Variants in CSGALNACT1 observed in about 807,000 individuals in gnomAD.
CSGALNACT1 encodes chondroitin sulfate N-acetylgalactosaminyltransferase 1.
A neutral mutation model predicts 51.0 loss-of-function variants in CSGALNACT1; 52 were observed. The ratio of observed to expected loss-of-function variants is 1.02; its 90% CI spans 0.82 to 1.29. The LOEUF is 1.29. Among genes scored for constraint, CSGALNACT1 ranks in the 50% most tolerant of loss-of-function variants. CSGALNACT1 has a pLI of 0.00. For missense variants in CSGALNACT1, 935 were observed against 679.2 expected (o/e 1.38, Z -4.19); for synonymous variants, 341 against 254.4 (o/e 1.34, Z -3.24).
At chr8:19,487,035 T>C (rs947441427) in intron 4 of CSGALNACT1, among the ~76,000 whole-genome samples, 4 of 152,236 alleles carry the variant, frequency 2.6e-5, no homozygotes, top group African/African-American at 2.4e-5. Context: ...GCTGTTATTT[T>C]TGGGGAAGAA....
intron 8 of CSGALNACT1, among the ~76,000 whole-genome samples, chr8:19,410,773 G>A (rs2055508505): frequency 6.6e-6 from 1 of 152,200 alleles, no homozygotes; most frequent in Non-Finnish European, 1.5e-5. Flanking sequence ...GCCACAAAAA[G>A]CCACTATCTG....
At chr8:19,689,320 G>A (rs2061158091) in intron 1 of CSGALNACT1, among the ~76,000 whole-genome samples, 1 of 152,154 alleles carries the variant, frequency 6.6e-6, no homozygotes. Context: ...ATTTGGAGAG[G>A]AACCAGGACC....
At chr8:19,683,987 G>A (rs1378926423), upstream of CSGALNACT1, among the ~76,000 whole-genome samples, 2 of 152,080 alleles carry the variant, frequency 1.3e-5, no homozygotes, top group Admixed American at 1.3e-4. Context: ...CCAACATGGT[G>A]AAACCCCGTC....
intron 1 of CSGALNACT1, among the ~76,000 whole-genome samples, chr8:19,660,552 C>G (rs957052473): frequency 5.9e-5 from 9 of 152,242 alleles, no homozygotes; most frequent in African/African-American, 2.2e-4. Flanking sequence ...TTGGGGGTAA[C>G]TGTAGCCCCA....
intron 5 of CSGALNACT1, chr8:19,457,430 T>C (rs1173111215): frequency 2.8e-6 from 1 of 358,562 alleles, no homozygotes; most frequent in Admixed American, 3.7e-5. Context: ...CCGGCCAAAA[T>C]GGCGAAACCC....
intron 1 of CSGALNACT1, among the ~76,000 whole-genome samples, chr8:19,622,055 T>G (rs74768636): frequency 6.6e-6 from 1 of 152,206 alleles, no homozygotes; most frequent in Non-Finnish European, 1.5e-5. Flanking sequence ...GTGGCCAATT[T>G]CAAGCTACAA....
intron 3 of CSGALNACT1, among the ~76,000 whole-genome samples, chr8:19,536,386 T>C (rs1033624703): frequency 1.3e-5 from 2 of 152,040 alleles, no homozygotes; most frequent in Non-Finnish European, 1.5e-5. Context: ...AATCAACATA[T>C]GGACACTGAA....
At chr8:19,592,571 G>C (rs2048056763) in intron 2 of CSGALNACT1, among the ~76,000 whole-genome samples, 1 of 152,118 alleles carries the variant, frequency 6.6e-6, no homozygotes, top group Non-Finnish European at 1.5e-5. Context: ...GGGCACCATG[G>C]CAAAACTCAG....
intron 4 of CSGALNACT1, among the ~76,000 whole-genome samples, chr8:19,489,022 A>C (rs1403705960): frequency 6.6e-6 from 1 of 152,152 alleles, no homozygotes; most frequent in Non-Finnish European, 1.5e-5. Flanking sequence ...CCCCCATTTG[A>C]AGGGCAAAAG....
At chr8:19,444,337 G>C (rs940891561) in intron 5 of CSGALNACT1, among the ~76,000 whole-genome samples, 1 of 152,222 alleles carries the variant, frequency 6.6e-6, no homozygotes, top group Non-Finnish European at 1.5e-5. Flanking sequence ...TGCATATTCA[G>C]TACAGACGCA....
intron 5 of CSGALNACT1, among the ~76,000 whole-genome samples, chr8:19,449,811 G>C (rs888782413): frequency 3.9e-5 from 6 of 151,972 alleles, no homozygotes; most frequent in Admixed American, 6.6e-5. Flanking sequence ...AATTGAGAAA[G>C]ATTTTTTTTA....
Position 19,649,819 on chromosome 8 carries a change from C to CAAAAAAAAAAAAAAAAAAAAAAAAAAA in CSGALNACT1, c.-544+32653_-544+32654insTTTTTTTTTTTTTTTTTTTTTTTTTTT, listed in dbSNP as rs57549612. ...AAGAAATTAAATGCATTCCAAGTAG[C>CAAAAAAAAAAAAAAAAAAAAAAAAAAA]AAAAAAAAAAAAAAAAAAAAAAAAA... On this transcript the variant is annotated intron_variant, in intron 1 of 9. Transcript: ENST00000332246. Among the ~76,000 whole-genome samples the CAAAAAAAAAAAAAAAAAAAAAAAAAAA allele has an allele frequency of 1.7e-4, 5 of 29,398 alleles. 2 individuals carry two copies. The highest frequency in any genetic ancestry group is 1.7e-4 in the Non-Finnish European group (3 of 17,162). 19.3% of individuals were successfully genotyped at this position (29,398 alleles called of 152,430 possible).
intron 3 of CSGALNACT1, among the ~76,000 whole-genome samples, chr8:19,533,216 A>G (rs113338981): frequency 6.6e-6 from 1 of 152,132 alleles, no homozygotes; most frequent in African/African-American, 2.4e-5. Context: ...TTTTGGGATC[A>G]AGCGATCCTC....
chr8:19,614,906 A>G (rs760999281), intron 1 of CSGALNACT1, among the ~76,000 whole-genome samples: 1 of 152,234 alleles, frequency 6.6e-6, no homozygotes, highest in East Asian at 1.9e-4. Flanking sequence ...AGAAGACAGG[A>G]TGTGTAACAG....
At chr8:19,692,975 G>C (rs2061406253) in intron 1 of CSGALNACT1, among the ~76,000 whole-genome samples, 1 of 152,202 alleles carries the variant, frequency 6.6e-6, no homozygotes, top group African/African-American at 2.4e-5. Context: ...TCGCAGGCTT[G>C]CTCTGCTACC....
At chr8:19,451,914 A>G (rs1235179425) in intron 5 of CSGALNACT1, among the ~76,000 whole-genome samples, 2 of 152,370 alleles carry the variant, frequency 1.3e-5, no homozygotes, top group Admixed American at 1.3e-4. Flanking sequence ...AGCAACACAT[A>G]AAAGATTCCT....
At chr8:19,492,930 C>G (rs1306725691) in intron 4 of CSGALNACT1, among the ~76,000 whole-genome samples, 1 of 151,742 alleles carries the variant, frequency 6.6e-6, no homozygotes, top group African/African-American at 2.4e-5. Flanking sequence ...TAGTTTGTGC[C>G]CTGCCTCGCC....
rs184911911 is a variant in CSGALNACT1, at chr8:19,468,463, G to C, written c.635-9821C>G. On this transcript the variant is annotated intron_variant, in intron 4 of 9. Coordinates refer to ENST00000454498, the Ensembl canonical transcript of CSGALNACT1. ...ACCTGTCCTAGAGGAAAGGGGAGCCGGGTCAGCGTTTTAGCATGGGAGAGG... is the reference window on the plus strand; with the variant it reads ...ACCTGTCCTAGAGGAAAGGGGAGCCCGGTCAGCGTTTTAGCATGGGAGAGG... 4.5e-3 allele frequency among the ~76,000 whole-genome samples: 683 copies of C among 152,256 alleles called. 15 individuals carry two copies. Among genetic ancestry groups the C allele is most frequent in the Admixed American group, 0.037 (563 of 15,284 alleles).
At chr8:19,732,933 A>G (rs1033915329) in intron 1 of CSGALNACT1, among the ~76,000 whole-genome samples, 4 of 152,244 alleles carry the variant, frequency 2.6e-5, no homozygotes, top group Admixed American at 6.5e-5. Flanking sequence ...GAACATGTCA[A>G]TGTCTCAAAT....
Sources: allele counts gnomAD v4.1 joint callset (sites outside exome capture counted in the v4.1 genomes callset), GRCh38; gene constraint gnomAD v4.1.1; transcripts MANE v1.5; gene names NCBI Gene and HGNC (gene_info 2026-07-23, HGNC 2026-07-21).